The following GLMN variants were observed in gnomAD, a reference collection of about 807,000 sequenced individuals.
GLMN encodes glomulin, FKBP associated protein, also known as glomulin.
In GLMN, 75 loss-of-function variants were observed where a neutral mutation model predicts 87.8. That is an observed-to-expected ratio of 0.85 (90% CI 0.71 to 1.04). The LOEUF is 1.04. GLMN is among the 50% of genes least tolerant of loss of function. GLMN has a pLI of 0.00. For synonymous variants in GLMN, 206 were observed against 221.6 expected, an observed-to-expected ratio of 0.93 and a Z score of 0.63; for missense variants, 588 against 658.8, an observed-to-expected ratio of 0.89 and a Z score of 1.18.
chr1:92,358,113 C>T, the GLMN span, among the ~76,000 whole-genome samples: 2 of 152,134 alleles, frequency 1.3e-5, no homozygotes, highest in African/African-American at 4.8e-5. Context: ...AGATCTGGAG[C>T]CAGATCTGAT....
At chr1:92,282,484 G>C (rs535059185) in intron 7 of GLMN, among the ~76,000 whole-genome samples, 1 of 152,118 alleles carries the variant, frequency 6.6e-6, no homozygotes, top group Non-Finnish European at 1.5e-5. Flanking sequence ...AGTGAGTAGA[G>C]GGAAATTTAT....
intron 16 of GLMN, among the ~76,000 whole-genome samples, chr1:92,257,844 T>C (rs892781244): frequency 3.3e-5 from 5 of 152,118 alleles, no homozygotes; most frequent in African/African-American, 9.7e-5. Context: ...ATTCAGGACA[T>C]AGACATGGGC....
intron 7 of GLMN, among the ~76,000 whole-genome samples, chr1:92,273,967 C>T (rs1291530513): frequency 6.6e-6 from 1 of 152,174 alleles, no homozygotes; most frequent in African/African-American, 2.4e-5. Flanking sequence ...TCCTGTACTA[C>T]AGCCTTTGGG....
chr1:92,322,537 C>T, the GLMN span, among the ~76,000 whole-genome samples: 5 of 149,572 alleles, frequency 3.3e-5, no homozygotes, highest in Non-Finnish European at 7.4e-5. Context: ...GAGCAAGACT[C>T]CATCTCAAAT....
chr1:92,331,207 A>G, the GLMN span, among the ~76,000 whole-genome samples: 2 of 151,922 alleles, frequency 1.3e-5, no homozygotes, highest in African/African-American at 4.8e-5. Flanking sequence ...CAACCTTTCT[A>G]TTTGCTTTTT....
the GLMN span, among the ~76,000 whole-genome samples, chr1:92,359,140 G>A: frequency 6.6e-6 from 1 of 152,182 alleles, no homozygotes; most frequent in African/African-American, 2.4e-5. Context: ...GAAATGAAAA[G>A]GAAGAGACAA....
chr1:92,246,888 T>C (rs563113276), intron 18 of GLMN, among the ~76,000 whole-genome samples, 174 bp downstream of exon 18: 8 of 152,176 alleles, frequency 5.3e-5, no homozygotes, highest in African/African-American at 1.7e-4. Flanking sequence ...CCAGGCATGG[T>C]GGTGTGCACC....
rs1325775418 is a variant in GLMN at position 92,269,793 on chromosome 1, A to G, written c.924-17T>C. On this transcript the variant is annotated splice_polypyrimidine_tract_variant and intron_variant, in intron 8 of 18. Transcript: ENST00000370360. ...TACAATGGGCTAAAATAGAAACAAA[A>G]CAAATATATATATTATACACACACA... is the stretch of plus-strand genomic sequence containing the variant. 1 of 1,469,614 alleles carries G rather than the reference A, an allele frequency of 6.8e-7. No individual in the cohort carries two copies. Among genetic ancestry groups the G allele is most frequent in the Admixed American group, 1.7e-5 (1 of 59,774 alleles). The allele number at this position is 1,469,614 out of a possible 1,614,324, so 91.0% of individuals were successfully genotyped here.
intron 1 of GLMN, 92 bp from the exon 2 acceptor site, chr1:92,298,121 C>T (rs896319035): frequency 3.5e-5 from 23 of 661,084 alleles, no homozygotes; most frequent in Middle Eastern, 4.1e-4. Context: ...TTAGTAAATA[C>T]AATAAAGAAA....
chr1:92,302,835 C>T (rs1036138680), upstream of GLMN, among the ~76,000 whole-genome samples: 11 of 151,676 alleles, frequency 7.3e-5, no homozygotes, highest in Non-Finnish European at 1.6e-4. Context: ...TTCCTAACCT[C>T]GTGATCCGCC....
At chr1:92,365,837 C>A in the GLMN span, among the ~76,000 whole-genome samples, 1 of 152,224 alleles carries the variant, frequency 6.6e-6, no homozygotes, top group East Asian at 1.9e-4. Context: ...TGTGGTCTAG[C>A]GGTTAGAAGT....
At chr1:92,248,174 T>C (rs1239957099) in intron 16 of GLMN, 185 bp from the exon 17 acceptor site, 5 of 551,508 alleles carry the variant, frequency 9.1e-6, no homozygotes, top group African/African-American at 1.9e-5. Flanking sequence ...AAAAATGTAC[T>C]TGGGGCACTA....
the GLMN span, among the ~76,000 whole-genome samples, chr1:92,319,491 C>A: frequency 6.6e-6 from 1 of 152,086 alleles, no homozygotes; most frequent in African/African-American, 2.4e-5. Flanking sequence ...GTCTGGCAGG[C>A]GCGGTGGCTC....
At chr1:92,292,509 C>T (rs556170208) in intron 3 of GLMN, among the ~76,000 whole-genome samples, 4 of 151,586 alleles carry the variant, frequency 2.6e-5, no homozygotes, top group Admixed American at 2.0e-4. Context: ...TTCCTGGGTT[C>T]ATGTCATTCT....
intron 10 of GLMN, 49 bp from the exon 11 acceptor site, chr1:92,268,051 G>T: frequency 7.3e-7 from 1 of 1,373,108 alleles, no homozygotes. Flanking sequence ...GTCAACAGCT[G>T]TTATTTGTTG....
At chr1:92,260,872 T>C (rs1276885073) in intron 16 of GLMN, among the ~76,000 whole-genome samples, 2 of 151,900 alleles carry the variant, frequency 1.3e-5, no homozygotes, top group African/African-American at 2.4e-5. Context: ...ATGGATAGTA[T>C]AGCAGACATT....
the GLMN span, among the ~76,000 whole-genome samples, chr1:92,361,384 T>C: frequency 6.6e-6 from 1 of 152,176 alleles, no homozygotes; most frequent in African/African-American, 2.4e-5. Context: ...ATTCAGTGAA[T>C]ATTTGTTGAT....
chr1:92,329,695 A>G, the GLMN span, among the ~76,000 whole-genome samples: 1 of 152,128 alleles, frequency 6.6e-6, no homozygotes, highest in African/African-American at 2.4e-5. Context: ...CCCAGACCTA[A>G]CATTTATTTT....
chr1:92,336,482 C>T, the GLMN span: 5 of 1,197,254 alleles, frequency 4.2e-6, no homozygotes, highest in Non-Finnish European at 6.2e-6. Context: ...TATTTATTGC[C>T]TTGCAGAATC....
Sources: allele counts gnomAD v4.1 joint callset (sites outside exome capture counted in the v4.1 genomes callset), GRCh38; gene constraint gnomAD v4.1.1; transcripts MANE v1.5; gene names NCBI Gene and HGNC (gene_info 2026-07-23, HGNC 2026-07-21).